The following IFT43 variants were observed in gnomAD, a reference collection of about 807,000 sequenced individuals.
IFT43 encodes the protein intraflagellar transport protein 43 homolog.
In IFT43, 33 loss-of-function variants were observed where a neutral mutation model predicts 32.3. The ratio of observed to expected loss-of-function variants is 1.02; its 90% CI spans 0.77 to 1.37. The LOEUF (loss-of-function observed/expected upper bound fraction) is 1.37. Ranked by LOEUF, IFT43 falls within the 40% of genes most tolerant of loss-of-function variation. The pLI is 0.00. For missense variants in IFT43, 274 were observed against 265.9 expected (o/e 1.03, Z -0.21); for synonymous variants, 93 against 98.2 (o/e 0.95, Z 0.31).
chr14:75,992,957 C>G (rs1398217380), intron 2 of IFT43, among the ~76,000 whole-genome samples: 3 of 152,182 alleles, frequency 2.0e-5, no homozygotes, highest in Non-Finnish European at 4.4e-5. Context: ...CATACATTAG[C>G]TTCTGTGATA....
rs1482112892 is a variant in IFT43 at position 75,985,791 on chromosome 14, A to G, written c.5A>G (p.Glu2Gly). The stretch of plus-strand genomic sequence containing the variant: ...TGACGTCAGGCGGCCGCGGAGATGG[A>G]GGATTTGCTCGACTTGGACGAGGAG... M[E>G]DLLDLDEELR... The change falls in exon 1 of 9, where the codon GAG (glutamate) becomes GGG (glycine). Residue 2 changes from glutamate (E) to glycine (G), a missense_variant. Coordinates refer to ENST00000314067, the MANE Select transcript of IFT43 (RefSeq NM_001102564.3). 2 of 1,613,884 alleles carry G rather than the reference A, an allele frequency of 1.2e-6. No individual in the cohort carries two copies. Among genetic ancestry groups the G allele is most frequent in the Non-Finnish European group, 1.7e-6 (2 of 1,179,970 alleles).
At chr14:76,060,470 T>G (rs1420560701) in intron 5 of IFT43, among the ~76,000 whole-genome samples, 1 of 152,100 alleles carries the variant, frequency 6.6e-6, no homozygotes, top group African/African-American at 2.4e-5. Context: ...CCTCCCACCT[T>G]GGCTTCCCAA....
chr14:76,045,394 G>T (rs1252947468), intron 3 of IFT43, among the ~76,000 whole-genome samples: 1 of 152,208 alleles, frequency 6.6e-6, no homozygotes, highest in East Asian at 1.9e-4. Context: ...ATGTGAGGTT[G>T]CTTTTTCCAT....
intron 5 of IFT43, among the ~76,000 whole-genome samples, chr14:76,070,100 T>C (rs1411822154): frequency 6.6e-6 from 1 of 152,190 alleles, no homozygotes; most frequent in African/African-American, 2.4e-5. Flanking sequence ...TGCTCAATTT[T>C]CTATCCATGT....
intron 3 of IFT43, among the ~76,000 whole-genome samples, chr14:76,028,524 G>A (rs1410126724): frequency 1.3e-5 from 2 of 152,074 alleles, no homozygotes; most frequent in Non-Finnish European, 2.9e-5. Flanking sequence ...ACAGGGGTAT[G>A]TTGCATGATG....
chr14:76,014,910 T>G (rs1221811264), intron 2 of IFT43, among the ~76,000 whole-genome samples: 1 of 152,184 alleles, frequency 6.6e-6, no homozygotes, highest in Non-Finnish European at 1.5e-5. Flanking sequence ...GACGCCTACT[T>G]CTCACTTCCA....
chr14:76,010,310 G>A (rs1374071443), intron 2 of IFT43, among the ~76,000 whole-genome samples: 2 of 152,158 alleles, frequency 1.3e-5, no homozygotes, highest in African/African-American at 2.4e-5. Flanking sequence ...ACCATTAGGT[G>A]GAGAATGTCC....
intron 5 of IFT43, chr14:76,076,498 G>A: frequency 6.5e-7 from 1 of 1,543,764 alleles, no homozygotes; most frequent in Admixed American, 1.9e-5. Flanking sequence ...TTCTCTCCCT[G>A]CTGGAGTTAG....
intron 2 of IFT43, among the ~76,000 whole-genome samples, chr14:75,995,379 T>C (rs934363117): frequency 1.7e-4 from 26 of 152,148 alleles, no homozygotes; most frequent in African/African-American, 6.0e-4. Context: ...TGATCACCCT[T>C]ATTCGTTCAG....
chr14:76,037,691 G>T (rs199850367), intron 3 of IFT43, among the ~76,000 whole-genome samples: 2,279 of 146,930 alleles, frequency 0.016, 57 homozygotes, highest in African/African-American at 0.051. Flanking sequence ...CTCATTCTCT[G>T]TTTTTTTTTT....
intron 3 of IFT43, among the ~76,000 whole-genome samples, chr14:76,040,679 T>C (rs563293161): frequency 6.6e-6 from 1 of 152,364 alleles, no homozygotes; most frequent in East Asian, 1.9e-4. Context: ...CTTGCACTTC[T>C]GTTGAGTGCT....
intron 5 of IFT43, among the ~76,000 whole-genome samples, chr14:76,080,443 C>G (rs1594869731): frequency 6.6e-6 from 1 of 152,218 alleles, no homozygotes. Context: ...TGCAATTCCT[C>G]AGAGCCCCAA....
chr14:76,022,111 C>T (rs771584471), intron 2 of IFT43, among the ~76,000 whole-genome samples: 1 of 152,000 alleles, frequency 6.6e-6, no homozygotes, highest in Non-Finnish European at 1.5e-5. Context: ...ATTAGCTGTG[C>T]GTGGTGGTGG....
intron 1 of IFT43, 102 bp from the exon 2 acceptor site, chr14:75,988,783 G>C (rs1415161296): frequency 6.3e-7 from 1 of 1,576,246 alleles, no homozygotes; most frequent in Non-Finnish European, 8.7e-7. Flanking sequence ...CTCCCAAAGT[G>C]CTGGGATTGC....
chr14:76,070,406 TA>T (rs1373056214), intron 5 of IFT43, among the ~76,000 whole-genome samples: 1 of 152,202 alleles, frequency 6.6e-6, no homozygotes, highest in Non-Finnish European at 1.5e-5. Context: ...AAGAATTCTT[TA>T]AAAACTAATC....
intron 2 of IFT43, among the ~76,000 whole-genome samples, chr14:76,020,411 A>G (rs547424652): frequency 1.3e-5 from 2 of 152,192 alleles, no homozygotes; most frequent in Non-Finnish European, 1.5e-5. Context: ...GTTCCTTTAA[A>G]GGTGTCATGT....
chr14:76,003,002 G>T (rs1257842487), intron 2 of IFT43, among the ~76,000 whole-genome samples: 1 of 152,192 alleles, frequency 6.6e-6, no homozygotes, highest in Non-Finnish European at 1.5e-5. Flanking sequence ...GAAATCATTA[G>T]CTAGGCTAGA....
chr14:76,083,778 T>C (rs1321411050), downstream of IFT43: 1 of 702,304 alleles, frequency 1.4e-6, no homozygotes, highest in East Asian at 2.7e-5. Context: ...TCTTGGAAAA[T>C]GTATCACAAG....
At chr14:75,985,900 C>G in intron 1 of IFT43, 60 bp downstream of exon 1, 3 of 1,591,670 alleles carry the variant, frequency 1.9e-6, no homozygotes, top group Non-Finnish European at 2.6e-6. Flanking sequence ...GGAGCGACCC[C>G]GCCGGCCCCG....
Sources: allele counts gnomAD v4.1 joint callset (sites outside exome capture counted in the v4.1 genomes callset), GRCh38; gene constraint gnomAD v4.1.1; transcripts MANE v1.5; gene names NCBI Gene and HGNC (gene_info 2026-07-23, HGNC 2026-07-21).